DYNC2H1: variants seen among roughly 807,000 people sequenced by gnomAD.
The protein encoded by DYNC2H1 is cytoplasmic dynein 2 heavy chain 1.
In DYNC2H1, 410 loss-of-function variants were observed where a neutral mutation model predicts 570.0. The ratio of observed to expected loss-of-function variants is 0.72; its 90% confidence interval spans 0.66 to 0.78. DYNC2H1 has a LOEUF of 0.78. DYNC2H1 is among the 30% of genes least tolerant of loss of function. DYNC2H1 has a pLI of 0.00. For missense variants in DYNC2H1, 4,865 were observed against 5,046.4 expected (o/e 0.96, Z 1.09); for synonymous variants, 1,688 against 1,677.6 (o/e 1.01, Z -0.15).
intron 84 of DYNC2H1, among the ~76,000 whole-genome samples, chr11:103,430,799 C>A (rs1943860834): frequency 6.6e-6 from 1 of 152,116 alleles, no homozygotes; most frequent in African/African-American, 2.4e-5. Flanking sequence ...TCATTTCAAG[C>A]ATGATCTCCA....
chr11:103,371,574 A>G (rs1941148088), intron 83 of DYNC2H1, among the ~76,000 whole-genome samples: 1 of 152,214 alleles, frequency 6.6e-6, no homozygotes, highest in South Asian at 2.1e-4. Context: ...AGAAACAAGT[A>G]ACATACAATG....
intron 38 of DYNC2H1, among the ~76,000 whole-genome samples, chr11:103,178,156 G>A (rs895809457): frequency 3.9e-5 from 6 of 152,040 alleles, no homozygotes; most frequent in Non-Finnish European, 8.8e-5. Flanking sequence ...TTTGTTTGGG[G>A]TTAAAATTGG....
intron 70 of DYNC2H1, among the ~76,000 whole-genome samples, chr11:103,276,340 G>T (rs1865905196): frequency 6.6e-6 from 1 of 151,838 alleles, no homozygotes; most frequent in South Asian, 2.1e-4. Context: ...TATAAATTGT[G>T]ACTTAATCTC....
rs755672814 is a variant in DYNC2H1, at chr11:103,304,631, C to T, written c.11293C>T (p.Gln3765Ter). 1.2e-6 allele frequency: 2 copies of T among 1,613,226 alleles called. No homozygotes were observed. The highest frequency in any genetic ancestry group is 1.7e-6 in the Non-Finnish European group (2 of 1,179,476). Residue 3765 changes from glutamine (Q) to a stop codon, truncating the protein, a stop_gained, in exon 77 of 89, where the codon CAA becomes TAA. Coordinates refer to ENST00000375735, the MANE Select transcript of DYNC2H1 (RefSeq NM_001377.3). LOFTEE classifies it high-confidence loss of function. ...MGQGQADLAIQMLKECARNGD... is the reference protein window; with the variant it reads ...MGQGQADLAI ...TCAAGGTCAAGCTGATTTAGCAATT[C>T]AAATGCTAAAAGAATGTGCCCGCAA... is the stretch of plus-strand genomic sequence containing the variant.
chr11:103,359,930 G>A (rs944258142), intron 83 of DYNC2H1, among the ~76,000 whole-genome samples: 1 of 151,986 alleles, frequency 6.6e-6, no homozygotes, highest in African/African-American at 2.4e-5. Flanking sequence ...CTCCCATAGT[G>A]CTGGGATTAC....
chr11:103,462,856 CT>C (rs397848813), intron 87 of DYNC2H1, among the ~76,000 whole-genome samples: 4 of 152,058 alleles, frequency 2.6e-5, no homozygotes, highest in African/African-American at 7.2e-5. Flanking sequence ...ACCTGTATAT[CT>C]TTCTTTTTGC....
At chr11:103,298,507 C>T (rs570842292) in intron 75 of DYNC2H1, among the ~76,000 whole-genome samples, 115 of 152,080 alleles carry the variant, frequency 7.6e-4, no homozygotes, top group Non-Finnish European at 1.3e-3. Flanking sequence ...AATTAAAAAC[C>T]TCATATTATT....
In DYNC2H1 at chr11:103,120,787, A is replaced by G. The variant is rs116888435; in HGVS notation, c.1233A>G (p.Gln411=). 25,752 of 1,561,178 alleles carry G rather than the reference A, an allele frequency of 0.016. 258 individuals carry two copies. Among genetic ancestry groups the G allele is most frequent in the Middle Eastern group, 0.037 (194 of 5,288 alleles). ...TGAAAAATTATATTTCAGAAATTCA[A>G]GACAGTCCACAGCAGGTAAAACATT... is the stretch of plus-strand genomic sequence containing the variant. The part of the protein sequence containing the change: ...GKLKNYISEI[Q]DSPQQLLQAF... The change falls in exon 8 of 89, where the codon CAA becomes CAG. Residue 411 remains glutamine (Q), a synonymous_variant. Coordinates refer to ENST00000375735, the MANE Select transcript of DYNC2H1 (RefSeq NM_001377.3).
At position 103,162,904 on chromosome 11, in the gene DYNC2H1, TA is replaced by T. The variant is rs989964209; in HGVS notation, c.4492-122del. 3.9e-6 allele frequency: 3 copies of T among 773,736 alleles called. No individual in the cohort carries two copies. In the African/African-American group the frequency reaches 5.3e-5, roughly 14 times the overall value. 47.9% of individuals were successfully genotyped at this position (773,736 alleles called of 1,614,324 possible). ...GAGTGTAATGATCAATAGGAAAGTA[TA>T]ATACCCCGTCTTGAAATAACAGTAT... On this transcript the variant is annotated intron_variant, in intron 29 of 88. Coordinates refer to ENST00000375735, the MANE Select transcript of DYNC2H1 (RefSeq NM_001377.3).
Position 103,152,131 on chromosome 11 carries a change from T to C in DYNC2H1, c.2947-5T>C. On this transcript the variant is annotated splice_region_variant and splice_polypyrimidine_tract_variant and intron_variant, in intron 20 of 88. Coordinates refer to ENST00000375735, the MANE Select transcript of DYNC2H1 (RefSeq NM_001377.3). ...TCAATTTGTTTTTTTTTTTTTAACC[T>C]TTAGATTTTGCCCTTATTTCAAGAA... 1 of 1,558,038 alleles carries C rather than the reference T, an allele frequency of 6.4e-7. No homozygotes were observed. The highest frequency in any genetic ancestry group is 8.7e-7 in the Non-Finnish European group (1 of 1,144,602).
chr11:103,154,874 CTG>C, intron 24 of DYNC2H1, 65 bp downstream of exon 24: 1 of 1,150,624 alleles, frequency 8.7e-7, no homozygotes, highest in Non-Finnish European at 1.2e-6. Flanking sequence ...TATGTAGTGA[CTG>C]AACTATATAA....
chr11:103,321,619 T>A (rs1197202493), intron 81 of DYNC2H1, among the ~76,000 whole-genome samples: 1 of 152,176 alleles, frequency 6.6e-6, no homozygotes, highest in Non-Finnish European at 1.5e-5. Flanking sequence ...ATTTAATAAA[T>A]ATGTGTCTTC....
intron 65 of DYNC2H1, among the ~76,000 whole-genome samples, chr11:103,246,070 TG>T (rs1864603658): frequency 6.6e-6 from 1 of 152,100 alleles, no homozygotes; most frequent in South Asian, 2.1e-4. Flanking sequence ...CACATTGATA[TG>T]TTTGGCCTAG....
intron 59 of DYNC2H1, 57 bp downstream of exon 59, chr11:103,223,143 G>A: frequency 7.1e-7 from 1 of 1,406,150 alleles, no homozygotes; most frequent in Non-Finnish European, 9.4e-7. Context: ...AGTTTGATGA[G>A]GTTTTAATAA....
At chr11:103,471,085 C>T (rs1945371452) in intron 88 of DYNC2H1, among the ~76,000 whole-genome samples, 4 of 151,734 alleles carry the variant, frequency 2.6e-5, no homozygotes, top group African/African-American at 7.3e-5. Context: ...CTGTTGTTTC[C>T]TGACTTTTTA....
intron 84 of DYNC2H1, chr11:103,404,945 G>C (rs11225769): frequency 0.33 from 50,534 of 151,662 alleles, 8,599 homozygotes; most frequent in African/African-American, 0.41. Flanking sequence ...AAGTATGCCC[G>C]TGTGTCTACG....
chr11:103,125,402 A>C, intron 12 of DYNC2H1, 107 bp downstream of exon 12: 1 of 812,472 alleles, frequency 1.2e-6, no homozygotes, highest in Non-Finnish European at 1.8e-6. Context: ...ATAGAATAGC[A>C]CTGCCAGCTG....
At chr11:103,332,312 GAAAAAAA>G (rs71962098) in intron 82 of DYNC2H1, among the ~76,000 whole-genome samples, 5 of 122,544 alleles carry the variant, frequency 4.1e-5, no homozygotes, top group African/African-American at 9.0e-5. Flanking sequence ...AAAAAACTGG[GAAAAAAA>G]AAAAAAAAAA....
chr11:103,254,368 C>T lies in DYNC2H1; in HGVS notation c.10206+920C>T, dbSNP rs1411577260. Among the ~76,000 whole-genome samples, 1 of 152,158 alleles carries T rather than the reference C, an allele frequency of 6.6e-6. No homozygotes were observed. Among genetic ancestry groups the T allele is most frequent in the Non-Finnish European group, 1.5e-5 (1 of 68,030 alleles). On this transcript the variant is annotated intron_variant, in intron 66 of 88. Transcript: ENST00000375735. This position sits in a 1 kb window ranked among gnomAD's most constrained non-coding sequence, Gnocchi z 4.9. ...GAACTAAATGAAGATGCTTATACAG[C>T]AGATTTTGAATTACATATTTTATAC...
Sources: allele counts gnomAD v4.1 joint callset (sites outside exome capture counted in the v4.1 genomes callset), GRCh38; gene constraint gnomAD v4.1.1; non-coding constraint Gnocchi (gnomAD v3.1); transcripts MANE v1.5; gene names NCBI Gene and HGNC (gene_info 2026-07-23, HGNC 2026-07-21).